RNF175: variants seen among roughly 807,000 people sequenced by gnomAD.
The protein encoded by RNF175 is ring finger protein 175.
A neutral mutation model predicts 50.0 loss-of-function variants in RNF175; 38 were observed. The ratio of observed to expected loss-of-function variants is 0.76; its 90% CI spans 0.59 to 1.00. The LOEUF (loss-of-function observed/expected upper bound fraction) is 1.00, where lower values mean the gene tolerates loss of function less well. Ranked by LOEUF, RNF175 falls within the 50% of genes least tolerant of loss-of-function variation. The pLI is 0.00. For missense variants in RNF175, 388 were observed against 409.6 expected (o/e 0.95, Z 0.46); for synonymous variants, 155 against 146.1 (o/e 1.06, Z -0.44).
intron 3 of RNF175, among the ~76,000 whole-genome samples, chr4:153,732,954 A>G (rs1739125350): frequency 6.6e-6 from 1 of 152,204 alleles, no homozygotes; most frequent in South Asian, 2.1e-4. Flanking sequence ...CCCACATGAA[A>G]TAAGAATTTC....
chr4:153,746,347 A>C (rs1229783166), intron 3 of RNF175, among the ~76,000 whole-genome samples: 1 of 152,222 alleles, frequency 6.6e-6, no homozygotes, highest in East Asian at 1.9e-4. Flanking sequence ...TAGGGTTTGG[A>C]ACCTTGAGGC....
At position 153,715,553 on chromosome 4, in the gene RNF175, G is replaced by A. The variant is rs189852081; in HGVS notation, c.740C>T (p.Thr247Ile). ...CACATGATTACAGGAAAGCTGGTAGGTGTTTTCAATGAGCCCTTCTTCATC... is the reference window on the plus strand; with the variant it reads ...CACATGATTACAGGAAAGCTGGTAGATGTTTTCAATGAGCCCTTCTTCATC... ...ELDEEGLIEN[T>I]YQLSCNHVFH... The change falls in exon 7 of 9, where the codon ACC (threonine) becomes ATC (isoleucine). Residue 247 changes from threonine to isoleucine, a missense_variant. Physicochemically the swap from Thr to Ile is moderately conservative, Grantham distance 89. Coordinates refer to ENST00000347063, the MANE Select transcript of RNF175 (RefSeq NM_173662.4). 3.2e-5 allele frequency: 51 copies of A among 1,607,038 alleles called. No homozygotes were observed. The highest frequency in any genetic ancestry group is 4.0e-5 in the Non-Finnish European group (47 of 1,176,318).
At chr4:153,737,546 A>G (rs1317952709) in intron 3 of RNF175, among the ~76,000 whole-genome samples, 2 of 152,040 alleles carry the variant, frequency 1.3e-5, no homozygotes, top group Non-Finnish European at 2.9e-5. Context: ...ATTTCTCTGG[A>G]GTTTCTTCTT....
intron 6 of RNF175, among the ~76,000 whole-genome samples, chr4:153,716,063 C>CAAAAAAAAAA (rs35531787): frequency 1.1e-5 from 1 of 94,190 alleles, no homozygotes; most frequent in Non-Finnish European, 2.0e-5. Flanking sequence ...GACTCTGTCT[C>CAAAAAAAAAA]AAAAAAAAAA....
chr4:153,732,940 G>C (rs1209885495), intron 3 of RNF175, among the ~76,000 whole-genome samples: 1 of 152,158 alleles, frequency 6.6e-6, no homozygotes, highest in African/African-American at 2.4e-5. Context: ...GTATTTAGTA[G>C]TATCCCACAT....
rs140983492 is a variant in RNF175, at chr4:153,718,795, C to T, written c.630+1389G>A. Among the ~76,000 whole-genome samples, 145 of 152,186 alleles carry T rather than the reference C, an allele frequency of 9.5e-4. 1 individual carries two copies. Among genetic ancestry groups the T allele is most frequent in the African/African-American group, 3.4e-3 (142 of 41,530 alleles). On this transcript the variant is annotated intron_variant, in intron 6 of 8. Transcript: ENST00000347063. ...GCATTTCACCACAGAATTTGGGCTG[C>T]AGGCTTTAGGAAAAGAGTAAGATAG...
intron 3 of RNF175, among the ~76,000 whole-genome samples, chr4:153,733,332 G>C (rs116360966): frequency 0.015 from 2,307 of 152,172 alleles, 64 homozygotes; most frequent in African/African-American, 0.053. Context: ...AGTATACAAA[G>C]CTTTTACACA....
chr4:153,744,877 A>C (rs1739887014), intron 3 of RNF175, among the ~76,000 whole-genome samples: 1 of 152,244 alleles, frequency 6.6e-6, no homozygotes, highest in African/African-American at 2.4e-5. Context: ...AAATGGATAC[A>C]TTTGCTTTAT....
intron 1 of RNF175, among the ~76,000 whole-genome samples, chr4:153,755,788 C>T (rs1027391743): frequency 2.0e-5 from 3 of 151,894 alleles, no homozygotes; most frequent in Admixed American, 6.6e-5. Context: ...GAAATGCTCA[C>T]CAAGTACCCA....
chr4:153,751,507 A>T, intron 1 of RNF175, 32 bp from the exon 2 acceptor site: 1 of 1,523,454 alleles, frequency 6.6e-7, no homozygotes, highest in East Asian at 2.4e-5. Flanking sequence ...CTTATCAAAA[A>T]ATGTCCTTAT....
chr4:153,726,064 AGTGT>A (rs1453353908), intron 4 of RNF175, among the ~76,000 whole-genome samples: 1 of 141,364 alleles, frequency 7.1e-6, no homozygotes, highest in Non-Finnish European at 1.5e-5. Context: ...CTTTGTGGCT[AGTGT>A]GTGTATGTGT....
chr4:153,736,909 GA>G (rs1739381588), intron 3 of RNF175, among the ~76,000 whole-genome samples: 1 of 152,102 alleles, frequency 6.6e-6, no homozygotes, highest in African/African-American at 2.4e-5. Context: ...ACCCAGGCTG[GA>G]ATGCAGTGGC....
At chr4:153,756,803 A>AAT (rs1740588350) in intron 1 of RNF175, among the ~76,000 whole-genome samples, 1 of 152,202 alleles carries the variant, frequency 6.6e-6, no homozygotes, top group South Asian at 2.1e-4. Context: ...AAGAAAATAA[A>AAT]ATGTGTGATA....
At chr4:153,753,239 C>T (rs1740385825) in intron 1 of RNF175, among the ~76,000 whole-genome samples, 1 of 152,184 alleles carries the variant, frequency 6.6e-6, no homozygotes, top group African/African-American at 2.4e-5. Flanking sequence ...GCTCCTAGGG[C>T]GTCTAGAAGT....
In RNF175 at chr4:153,718,214, TTTTGTTTGTTTG is replaced by T. The variant is rs1157513927; in HGVS notation, c.630+1958_630+1969del. Among the ~76,000 whole-genome samples the T allele has an allele frequency of 5.1e-4, 26 of 50,842 alleles. 1 individual carries two copies. The highest frequency in any genetic ancestry group is 1.2e-3 in the African/African-American group (19 of 16,368). 33.4% of individuals were successfully genotyped at this position (50,842 alleles called of 152,430 possible). ...GCTCATTCCTTTCCTAAGGAGTTTT[TTTTGTTTGTTTG>T]TTTGTTTGTTTGTTTTTTTTTTTTT... is the stretch of plus-strand genomic sequence containing the variant. On this transcript the variant is annotated intron_variant, in intron 6 of 8. Transcript: ENST00000347063.
At chr4:153,731,676 G>A (rs2445616) in intron 3 of RNF175, among the ~76,000 whole-genome samples, 193 of 148,528 alleles carry the variant, frequency 1.3e-3, no homozygotes, top group African/African-American at 3.4e-3. Context: ...AGAGAGAGAG[G>A]GAGGGAGGGA....
rs1324342959 is a variant in RNF175 at position 153,712,510 on chromosome 4, T to G, written c.831A>C (p.Lys277Asn). Residue 277 changes from lysine to asparagine, a missense_variant, in exon 8 of 9, where the codon AAA (lysine) becomes AAC (asparagine). Transcript: ENST00000347063. The stretch of plus-strand genomic sequence containing the variant: ...TCATCCTCTTCAAATCAACTTTCTC[T>G]TTGCAGTAAGGGCAAGTCTGCTTTT... ...VGKKQTCPYC[K>N]EKVDLKRMIS... 1 of 1,612,342 alleles carries G rather than the reference T, an allele frequency of 6.2e-7. No homozygotes were observed. The highest frequency in any genetic ancestry group is 1.1e-5 in the South Asian group (1 of 90,916).
chr4:153,748,002 ATG>A (rs1403959638), intron 3 of RNF175, among the ~76,000 whole-genome samples: 1 of 152,242 alleles, frequency 6.6e-6, no homozygotes, highest in Non-Finnish European at 1.5e-5. Context: ...GCAAGAGAGA[ATG>A]AGAGAGAAAA....
chr4:153,759,789 G>T lies in RNF175; in HGVS notation c.66+8C>A. On this transcript the variant is annotated splice_region_variant and intron_variant, in intron 1 of 8. Coordinates refer to ENST00000347063, the MANE Select transcript of RNF175 (RefSeq NM_173662.4). Reference sequence around the variant, plus strand: ...GCGTCCCCCACGCCCGCGCCCCCGCGCCAGTACCTGCTCCTGCTGCGGGGG... The same window carrying T: ...GCGTCCCCCACGCCCGCGCCCCCGCTCCAGTACCTGCTCCTGCTGCGGGGG... The T allele has an allele frequency of 1.4e-6, 2 of 1,476,256 alleles. No individual in the cohort carries two copies. The highest frequency in any genetic ancestry group is 2.3e-5 in the Admixed American group (1 of 42,994). The allele number at this position is 1,476,256 out of a possible 1,614,324, so 91.4% of individuals were successfully genotyped here.
Sources: gnomAD v4.1 joint callset for allele counts (sites outside exome capture counted in the v4.1 genomes callset) on GRCh38, gnomAD v4.1.1 for gene constraint, MANE v1.5 for transcripts, NCBI Gene and HGNC (gene_info 2026-07-23, HGNC 2026-07-21) for gene names.